AKNA: variants seen among roughly 807,000 people sequenced by gnomAD.
AKNA encodes the protein microtubule organization protein AKNA.
In AKNA, 67 loss-of-function variants were observed where a neutral mutation model predicts 138.8. That is an observed-to-expected ratio of 0.48 (90% CI 0.40 to 0.59). The LOEUF is 0.59. Among genes scored for constraint, AKNA ranks in the 20% least tolerant of loss-of-function variants. AKNA has a pLI of 0.00. For missense variants in AKNA, 1,813 were observed against 1,880.4 expected, an observed-to-expected ratio of 0.96 and a Z score of 0.66; for synonymous variants, 737 against 754.4, an observed-to-expected ratio of 0.98 and a Z score of 0.38.
At chr9:114,353,980 C>G (rs930185215) in intron 14 of AKNA, among the ~76,000 whole-genome samples, 3 of 152,190 alleles carry the variant, frequency 2.0e-5, no homozygotes, top group Admixed American at 6.5e-5. Flanking sequence ...AAACACCATA[C>G]ACTTAGGCTA....
At chr9:114,367,499 A>G in intron 6 of AKNA, 44 bp downstream of exon 6, 1 of 1,603,132 alleles carries the variant, frequency 6.2e-7, no homozygotes, top group Non-Finnish European at 8.5e-7. Flanking sequence ...TGTGTTCTCC[A>G]GGTGAGTTAA....
chr9:114,389,009 A>G (rs543045760), upstream of AKNA, among the ~76,000 whole-genome samples: 2 of 152,274 alleles, frequency 1.3e-5, no homozygotes, highest in African/African-American at 4.8e-5. Context: ...TGGGGCCAAG[A>G]GTAATGGGTT....
At chr9:114,365,589 T>C (rs1832286221) in intron 6 of AKNA, among the ~76,000 whole-genome samples, 1 of 152,006 alleles carries the variant, frequency 6.6e-6, no homozygotes, top group Non-Finnish European at 1.5e-5. Context: ...TTATAATATA[T>C]AAAATAGAAC....
Position 114,367,522 on chromosome 9 carries a change from C to A in AKNA, c.1728+21G>T, listed in dbSNP as rs375028495. On this transcript the variant is annotated intron_variant, in intron 6 of 21. Transcript: ENST00000374088. ...CCAGGTGAGTTAAGTCTCTCGGGGG[C>A]AAAGCTGGGAGTCCACTCACCTTGG... 38 of 1,610,752 alleles carry A rather than the reference C, an allele frequency of 2.4e-5. 1 individual carries two copies. Among genetic ancestry groups the A allele is most frequent in the Non-Finnish European group, 3.0e-5 (35 of 1,179,590 alleles).
In AKNA at chr9:114,372,977, G is replaced by GGT. The variant is rs1832903792; in HGVS notation, c.1416+1114_1416+1115dup. Reference sequence around the variant, plus strand: ...GTGGGGACGCAGCGGGGGGGGGGGGGGTCCTGGTCCTAGAACAGGCCCCCT... The same window carrying GGT: ...GTGGGGACGCAGCGGGGGGGGGGGGGGTGTCCTGGTCCTAGAACAGGCCCCCT... On this transcript the variant is annotated intron_variant, in intron 4 of 21. Transcript: ENST00000374088. 2.2e-5 allele frequency among the ~76,000 whole-genome samples: 3 copies of GGT among 135,100 alleles called. 1 individual carries two copies. The highest frequency in any genetic ancestry group is 5.2e-4 in the East Asian group (2 of 3,840). The allele number at this position is 135,100 out of a possible 152,430, so 88.6% of individuals were successfully genotyped here. A position where few individuals can be genotyped will look rare whatever the true frequency, so the allele number is the denominator to read the frequency against.
In AKNA at chr9:114,357,960, T is replaced by C. The variant is rs1449514419; in HGVS notation, c.2700A>G (p.Pro900=). Residue 900 remains proline, a synonymous_variant, in exon 12 of 22, where the codon CCA becomes CCG. Transcript: ENST00000374088. The part of the protein sequence containing the change: ...LEGSGISERL[P]QKPLHRGGGP... ...CACCGCCTCGGTGCAAAGGCTTCTG[T>C]GGAAGGCGCTCAGAGATGCCGCTTC... 18 of 1,602,236 alleles carry C rather than the reference T, an allele frequency of 1.1e-5. No individual in the cohort carries two copies. The highest frequency in any genetic ancestry group is 1.3e-5 in the Non-Finnish European group (15 of 1,175,900).
chr9:114,392,348 C>A (rs183237787), upstream of AKNA, among the ~76,000 whole-genome samples: 2 of 152,346 alleles, frequency 1.3e-5, no homozygotes, highest in East Asian at 3.9e-4. Flanking sequence ...ATTCTTTATT[C>A]CATTTGCCCA....
In AKNA at chr9:114,362,500, G is replaced by A. The variant is rs776505405; in HGVS notation, c.1822C>T (p.Leu608=). Residue 608 remains leucine (L), a synonymous_variant, in exon 8 of 22, where the codon CTA becomes TTA. Transcript: ENST00000374088. ...CAAGCCTTCAGGTACTCCTCCTCTA[G>A]GGCCGCGTGGGCAGCCTTCAGCCGC... ...FQRLKAAHAA[L]EEEYLKACRE... The A allele has an allele frequency of 1.2e-6, 2 of 1,613,386 alleles. No homozygotes were observed. Among genetic ancestry groups the A allele is most frequent in the Non-Finnish European group, 8.5e-7 (1 of 1,179,814 alleles).
At chr9:114,348,795 G>C in intron 15 of AKNA, 1 of 451,604 alleles carries the variant, frequency 2.2e-6, no homozygotes, top group Non-Finnish European at 4.5e-6. Flanking sequence ...GTTAGAGCCA[G>C]GCTCAGCAAA....
chr9:114,362,816 C>T (rs567419553), intron 7 of AKNA, among the ~76,000 whole-genome samples: 1 of 152,318 alleles, frequency 6.6e-6, no homozygotes, highest in African/African-American at 2.4e-5. Flanking sequence ...CTTACAAGGA[C>T]CCCAATGTAC....
At chr9:114,353,813 A>C (rs1420168948) in intron 14 of AKNA, among the ~76,000 whole-genome samples, 2 of 152,218 alleles carry the variant, frequency 1.3e-5, no homozygotes, top group African/African-American at 4.8e-5. Context: ...AGACCATAAA[A>C]ATATGGTATA....
At position 114,351,011 on chromosome 9, in the gene AKNA, GC is replaced by G. The variant is rs1831080510; in HGVS notation, c.3068del (p.Gly1023AlafsTer149). On this transcript the variant is annotated frameshift_variant, in exon 15 of 22. Transcript: ENST00000374088. LOFTEE classifies it high-confidence loss of function. ...RTLAAEMAVP[G>X]SEFEGHKRIS... The stretch of plus-strand genomic sequence containing the variant: ...TCCGTTTGTGCCCCTCAAACTCTGA[GC>G]CAGGAACCGCTAGGGAGGCAGAGAG... 1 of 1,613,644 alleles carries G rather than the reference GC, an allele frequency of 6.2e-7. No individual in the cohort carries two copies. The highest frequency in any genetic ancestry group is 1.3e-5 in the African/African-American group (1 of 74,914).
Position 114,368,466 on chromosome 9 carries a change from C to G in AKNA, c.1546G>C (p.Glu516Gln), listed in dbSNP as rs748871239. Residue 516 changes from glutamate (E) to glutamine (Q), a missense_variant, in exon 5 of 22, where the codon GAG becomes CAG. Glu to Gln is a conservative substitution (Grantham distance 29). Coordinates refer to ENST00000374088, the MANE Select transcript of AKNA (RefSeq NM_001317950.2). ...RSAEWWPGPA[E>Q]DPQASAASGW... Reference sequence around the variant, plus strand: ...GAGGCCGCAGAGGCCTGGGGGTCCTCGGCCGGGCCCGGCCACCACTCTGCA... The same window carrying G: ...GAGGCCGCAGAGGCCTGGGGGTCCTGGGCCGGGCCCGGCCACCACTCTGCA... 8.3e-6 allele frequency: 11 copies of G among 1,322,744 alleles called. No individual in the cohort carries two copies. Among genetic ancestry groups the G allele is most frequent in the Non-Finnish European group, 1.1e-5 (11 of 1,025,846 alleles). 81.9% of individuals were successfully genotyped at this position (1,322,744 alleles called of 1,614,324 possible). A position where few individuals can be genotyped will look rare whatever the true frequency, so the allele number is the denominator to read the frequency against.
At position 114,360,994 on chromosome 9, in the gene AKNA, C is replaced by T. The variant is rs113327548; in HGVS notation, c.2124+710G>A. Reference sequence around the variant, plus strand: ...CTCCCTCTCACGGCCACTCCAAGTCCACTCAAACATACCTTCCCAACCTCT... The same window carrying T: ...CTCCCTCTCACGGCCACTCCAAGTCTACTCAAACATACCTTCCCAACCTCT... On this transcript the variant is annotated intron_variant, in intron 9 of 21. Transcript: ENST00000374088. 6.7e-3 allele frequency among the ~76,000 whole-genome samples: 1,022 copies of T among 152,266 alleles called. 17 individuals carry two copies. The highest frequency in any genetic ancestry group is 0.023 in the African/African-American group (951 of 41,542).
chr9:114,395,052 C>T (rs185288343), upstream of AKNA, among the ~76,000 whole-genome samples: 200 of 152,240 alleles, frequency 1.3e-3, no homozygotes, highest in African/African-American at 4.5e-3. Flanking sequence ...CTGGAGTTCG[C>T]CTGACATTTG....
At chr9:114,386,928 G>A (rs953907586) in intron 1 of AKNA, among the ~76,000 whole-genome samples, 1 of 151,934 alleles carries the variant, frequency 6.6e-6, no homozygotes, top group African/African-American at 2.4e-5. Flanking sequence ...TTCCCATCCA[G>A]CCAGAGCTGT....
At chr9:114,374,541 C>T (rs76474814) in intron 3 of AKNA, among the ~76,000 whole-genome samples, 4,998 of 152,276 alleles carry the variant, frequency 0.033, 280 homozygotes, top group African/African-American at 0.11. Flanking sequence ...TTTCTTTCCC[C>T]CTGCTGCACT....
chr9:114,366,450 A>G (rs969350077), intron 6 of AKNA, among the ~76,000 whole-genome samples: 54 of 152,174 alleles, frequency 3.5e-4, no homozygotes, highest in African/African-American at 1.3e-3. Context: ...GACAGGAAGC[A>G]GAAGAGCAGC....
At chr9:114,366,267 G>A (rs1832347944) in intron 6 of AKNA, among the ~76,000 whole-genome samples, 2 of 141,406 alleles carry the variant, frequency 1.4e-5, no homozygotes, top group East Asian at 2.0e-4. Context: ...GCAACAGAGT[G>A]AGACTCTGTC....
Sources: allele counts gnomAD v4.1 joint callset (sites outside exome capture counted in the v4.1 genomes callset), GRCh38; gene constraint gnomAD v4.1.1; transcripts MANE v1.5; gene names NCBI Gene and HGNC (gene_info 2026-07-23, HGNC 2026-07-21).